PCSK6: variants seen among roughly 807,000 people sequenced by gnomAD.
PCSK6 encodes the protein proprotein convertase subtilisin/kexin type 6, also known as paired basic amino acid cleaving enzyme 4.
PCSK6 carries 85 observed loss-of-function variants against 123.3 expected under a neutral mutation model. The observed-to-expected ratio is 0.69, with a 90% CI of 0.58 to 0.83. PCSK6 has a LOEUF of 0.83. Among genes scored for constraint, PCSK6 ranks in the 40% least tolerant of loss-of-function variants. The pLI is 0.00. For missense variants in PCSK6, 1,191 were observed against 1,282.3 expected (o/e 0.93, Z 1.09); for synonymous variants, 508 against 516.0 (o/e 0.98, Z 0.21).
rs373759161 is a variant in PCSK6, at chr15:101,430,046, G to A, written c.675C>T (p.Tyr225=). 8.7e-5 allele frequency: 140 copies of A among 1,613,782 alleles called. 1 individual carries two copies. The highest frequency in any genetic ancestry group is 5.4e-4 in the South Asian group (49 of 91,074). Reference sequence around the variant, plus strand: ...GGTCATAATCATTGCCGTTCACGTCGTAGCTGGCGTAGGAATCCTAAGAAA... The same window carrying A: ...GGTCATAATCATTGCCGTTCACGTCATAGCTGGCGTAGGAATCCTAAGAAA... The part of the protein sequence containing the change: ...LAPNYDSYAS[Y]DVNGNDYDPS... The change falls in exon 5 of 22, where the codon TAC becomes TAT. Residue 225 remains tyrosine, a synonymous_variant. Coordinates refer to ENST00000611716, the MANE Select transcript of PCSK6 (RefSeq NM_002570.5).
At chr15:101,467,267 A>C (rs2057485581) in intron 1 of PCSK6, among the ~76,000 whole-genome samples, 1 of 119,732 alleles carries the variant, frequency 8.4e-6, no homozygotes, top group African/African-American at 3.3e-5. Flanking sequence ...TGTTCTTAGC[A>C]ACAATTCTTT....
At chr15:101,343,329 A>G (rs369828090) in intron 13 of PCSK6, among the ~76,000 whole-genome samples, 99 of 152,046 alleles carry the variant, frequency 6.5e-4, no homozygotes, top group African/African-American at 2.4e-3. Flanking sequence ...TTTTCTCTAC[A>G]TATGTTTGTT....
At chr15:101,405,701 C>G (rs2042753537) in intron 6 of PCSK6, among the ~76,000 whole-genome samples, 1 of 151,896 alleles carries the variant, frequency 6.6e-6, no homozygotes, top group South Asian at 2.1e-4. Context: ...AAAAACAAAG[C>G]CACTTTTTTT....
intron 1 of PCSK6, among the ~76,000 whole-genome samples, chr15:101,454,763 C>G (rs111679574): frequency 0.013 from 2,047 of 151,964 alleles, 34 homozygotes; most frequent in African/African-American, 0.038. Flanking sequence ...TGGCCAACAG[C>G]GTGAAACCCC....
chr15:101,433,131 C>T (rs1347643364), intron 2 of PCSK6, among the ~76,000 whole-genome samples: 1 of 152,188 alleles, frequency 6.6e-6, no homozygotes, highest in Non-Finnish European at 1.5e-5. Context: ...GCAATAAAAC[C>T]CAGCCCCGTG....
chr15:101,388,381 A>G (rs2042131593), intron 9 of PCSK6, among the ~76,000 whole-genome samples: 1 of 152,226 alleles, frequency 6.6e-6, no homozygotes, highest in East Asian at 1.9e-4. Context: ...ACTCATCTAC[A>G]ACAGATGACT....
Position 101,363,100 on chromosome 15 carries a change from G to A in PCSK6, c.1858+3096C>T, listed in dbSNP as rs191425571. ...AGAGAAGTGGGTGGTGGCTGGAGGG[G>A]ATGTGGACTCAGGGGAGAGGCATCA... On this transcript the variant is annotated intron_variant, in intron 13 of 21. Transcript: ENST00000611716. 2.0e-5 allele frequency among the ~76,000 whole-genome samples: 3 copies of A among 152,344 alleles called. No individual in the cohort carries two copies. In the East Asian group the frequency reaches 5.8e-4, roughly 29 times the overall value.
At chr15:101,350,905 C>T (rs1457684366) in intron 13 of PCSK6, among the ~76,000 whole-genome samples, 1 of 152,202 alleles carries the variant, frequency 6.6e-6, no homozygotes, top group East Asian at 1.9e-4. Flanking sequence ...TTTTCAGAAC[C>T]TTTGTGAGCT....
At chr15:101,322,951 G>C (rs964945212) in intron 17 of PCSK6, among the ~76,000 whole-genome samples, 5 of 152,332 alleles carry the variant, frequency 3.3e-5, no homozygotes, top group East Asian at 1.9e-4. Flanking sequence ...GTGGGCAGGT[G>C]GGGGGTGGAG....
intron 10 of PCSK6, 75 bp from the exon 11 acceptor site, chr15:101,382,284 G>T: frequency 8.4e-7 from 1 of 1,192,240 alleles, no homozygotes; most frequent in East Asian, 2.5e-5. Context: ...TCTTGCATCT[G>T]CCGGGCCCCA....
chr15:101,387,693 G>A (rs933186236), intron 9 of PCSK6, among the ~76,000 whole-genome samples: 1 of 24,688 alleles, frequency 4.1e-5, no homozygotes, highest in African/African-American at 7.7e-5. Context: ...CTGGCCCCAC[G>A]CTGTCTGGGG....
intron 13 of PCSK6, among the ~76,000 whole-genome samples, chr15:101,354,531 G>A (rs2040987457): frequency 6.6e-6 from 1 of 152,272 alleles, no homozygotes; most frequent in African/African-American, 2.4e-5. Context: ...AAGAACTGAA[G>A]TGTATTTGCT....
intron 12 of PCSK6, among the ~76,000 whole-genome samples, chr15:101,368,073 C>G (rs1365443609): frequency 6.6e-6 from 1 of 152,242 alleles, no homozygotes; most frequent in Non-Finnish European, 1.5e-5. Context: ...ACCTTGGCCC[C>G]TCAAAGTGCT....
In PCSK6 at chr15:101,455,338, A is replaced by G. The variant is rs79880217; in HGVS notation, c.298-11678T>C. Among the ~76,000 whole-genome samples the G allele has an allele frequency of 3.9e-3, 600 of 152,312 alleles. 8 individuals carry two copies. Among genetic ancestry groups the G allele is most frequent in the East Asian group, 0.032 (166 of 5,188 alleles). ...ACGGCAGTGCTGCCCAGCTGTTATT[A>G]TTAACAGCTCTTAGCTCCGGAAAGC... On this transcript the variant is annotated intron_variant, in intron 1 of 21. Coordinates refer to ENST00000611716, the MANE Select transcript of PCSK6 (RefSeq NM_002570.5).
At chr15:101,360,170 G>A (rs1250236617) in intron 13 of PCSK6, among the ~76,000 whole-genome samples, 1 of 152,120 alleles carries the variant, frequency 6.6e-6, no homozygotes, top group Non-Finnish European at 1.5e-5. Flanking sequence ...CACTGATGCT[G>A]CCCCGTCGGA....
chr15:101,489,446 C>G lies in PCSK6; in HGVS notation c.225G>C (p.Ala75=). Residue 75 remains alanine (A), a synonymous_variant, in exon 1 of 22, where the codon GCG becomes GCC. Transcript: ENST00000611716. ...CGGCCGGGCCGCCCAGCACTTGCAC[C>G]GCCCAGTGGTTGGTGTAGACGGGGC... The part of the protein sequence containing the change: ...PPRPVYTNHW[A]VQVLGGPAEA... 3 of 1,217,046 alleles carry G rather than the reference C, an allele frequency of 2.5e-6. No homozygotes were observed. Among genetic ancestry groups the G allele is most frequent in the Non-Finnish European group, 2.1e-6 (2 of 969,262 alleles). 75.4% of individuals were successfully genotyped at this position (1,217,046 alleles called of 1,614,324 possible). A position where few individuals can be genotyped will look rare whatever the true frequency, so the allele number is the denominator to read the frequency against.
intron 13 of PCSK6, among the ~76,000 whole-genome samples, chr15:101,333,360 A>G (rs2040409853): frequency 6.6e-6 from 1 of 152,230 alleles, no homozygotes; most frequent in Non-Finnish European, 1.5e-5. Context: ...ACACATGTTC[A>G]GCTGTGAACC....
intron 6 of PCSK6, among the ~76,000 whole-genome samples, chr15:101,412,974 C>A (rs562518682): frequency 6.7e-6 from 1 of 148,478 alleles, no homozygotes; most frequent in Non-Finnish European, 1.5e-5. Context: ...AGCAACACAG[C>A]GAGACCCTGT....
At chr15:101,394,945 C>A (rs770480795) in intron 7 of PCSK6, among the ~76,000 whole-genome samples, 14 of 152,202 alleles carry the variant, frequency 9.2e-5, no homozygotes, top group Non-Finnish European at 1.3e-4. Flanking sequence ...AGGTCCCTCC[C>A]AGAAAAGCTA....
Sources: allele counts gnomAD v4.1 joint callset (sites outside exome capture counted in the v4.1 genomes callset), GRCh38; gene constraint gnomAD v4.1.1; transcripts MANE v1.5; gene names NCBI Gene and HGNC (gene_info 2026-07-23, HGNC 2026-07-21).